Variants in UBASH3B observed in about 807,000 individuals in gnomAD.
UBASH3B encodes the protein ubiquitin associated and SH3 domain containing B.
Under a neutral mutation model 83.4 loss-of-function variants are expected in UBASH3B, and 37 were observed. The ratio of observed to expected loss-of-function variants is 0.44; its 90% CI spans 0.34 to 0.58. The LOEUF is 0.58. Ranked by LOEUF, UBASH3B falls within the 20% of genes least tolerant of loss-of-function variation. The probability of loss-of-function intolerance (pLI) is 0.01; values close to 1 mark genes in which losing one functional copy is unlikely to be tolerated. For synonymous variants in UBASH3B, 304 were observed against 318.3 expected, an observed-to-expected ratio of 0.96 and a Z score of 0.48; for missense variants, 657 against 827.2, an observed-to-expected ratio of 0.79 and a Z score of 2.52.
At chr11:122,792,116 G>A (rs1344898534) in intron 6 of UBASH3B, among the ~76,000 whole-genome samples, 1 of 152,108 alleles carries the variant, frequency 6.6e-6, no homozygotes, top group Non-Finnish European at 1.5e-5. Flanking sequence ...TATAATGACA[G>A]TTAAGAAGGG....
chr11:122,677,440 A>G (rs991496532), intron 1 of UBASH3B, among the ~76,000 whole-genome samples: 1 of 152,128 alleles, frequency 6.6e-6, no homozygotes, highest in Non-Finnish European at 1.5e-5. Context: ...GAATGTGTTT[A>G]TGTGCGTCTG....
In UBASH3B at chr11:122,655,762, G is replaced by A. The variant is rs576825078; in HGVS notation, c.-288G>A. Reference sequence around the variant, plus strand: ...ACTGCTAGGCGAGGAGAGGGAAGGGGGCGGAGGAGACAGGGCTACTGCAGG... The same window carrying A: ...ACTGCTAGGCGAGGAGAGGGAAGGGAGCGGAGGAGACAGGGCTACTGCAGG... On this transcript the variant is annotated 5_prime_UTR_variant, in exon 1 of 14. Coordinates refer to ENST00000284273, the MANE Select transcript of UBASH3B (RefSeq NM_032873.5). The A allele has an allele frequency of 1.9e-5, 7 of 364,722 alleles. No individual in the cohort carries two copies. In the South Asian group the frequency reaches 5.7e-4, roughly 29 times the overall value. 22.6% of individuals were successfully genotyped at this position (364,722 alleles called of 1,614,324 possible).
intron 1 of UBASH3B, among the ~76,000 whole-genome samples, chr11:122,681,589 C>T (rs1481620314): frequency 6.6e-6 from 1 of 152,180 alleles, no homozygotes; most frequent in Non-Finnish European, 1.5e-5. Flanking sequence ...TGGTCATCCA[C>T]TGTTTGAATG....
At chr11:122,712,446 A>C (rs1864207178) in intron 1 of UBASH3B, among the ~76,000 whole-genome samples, 1 of 151,922 alleles carries the variant, frequency 6.6e-6, no homozygotes, top group South Asian at 2.1e-4. Context: ...GTCACACGAG[A>C]GGGGCTTTCT....
rs1320550729 is a variant in UBASH3B at position 122,801,328 on chromosome 11, T to C, written c.1591T>C (p.Tyr531His). 2 of 1,613,842 alleles carry C rather than the reference T, an allele frequency of 1.2e-6. No homozygotes were observed. The highest frequency in any genetic ancestry group is 2.7e-5 in the African/African-American group (2 of 74,920). ...AGCCAACCTGAGTGTTGATACAACC[T>C]ACAGGTAAGCCTCGGAAACTGCTGC... is the stretch of plus-strand genomic sequence containing the variant. Reference protein sequence around the residue: ...AAANLSVDTTYRPHIPISKLV... With the variant: ...AAANLSVDTTHRPHIPISKLV... Residue 531 changes from tyrosine (Y) to histidine (H), a missense_variant, in exon 11 of 14, where the codon TAC (tyrosine) becomes CAC (histidine). Tyr to His is a moderately conservative substitution (Grantham distance 83). Coordinates refer to ENST00000284273, the MANE Select transcript of UBASH3B (RefSeq NM_032873.5).
At chr11:122,660,270 G>A (rs1863420491) in intron 1 of UBASH3B, among the ~76,000 whole-genome samples, 1 of 152,188 alleles carries the variant, frequency 6.6e-6, no homozygotes. Flanking sequence ...ATTTCACGGT[G>A]TGTGTGTGCG....
At chr11:122,662,675 C>T (rs1318648102) in intron 1 of UBASH3B, among the ~76,000 whole-genome samples, 1 of 152,160 alleles carries the variant, frequency 6.6e-6, no homozygotes, top group Non-Finnish European at 1.5e-5. Flanking sequence ...AGGTGATCCG[C>T]CCGCCTCGGC....
Position 122,812,156 on chromosome 11 carries a change from T to C in UBASH3B, c.*2270T>C, listed in dbSNP as rs1861459861. 1.3e-5 allele frequency: 2 copies of C among 152,260 alleles called. No individual in the cohort carries two copies. Among genetic ancestry groups the C allele is most frequent in the South Asian group, 4.1e-4 (2 of 4,834 alleles). 9.4% of individuals were successfully genotyped at this position (152,260 alleles called of 1,614,324 possible). A position where few individuals can be genotyped will look rare whatever the true frequency, so the allele number is the denominator to read the frequency against. ...ACACTGCCTTAGGCAATGGTCTATA[T>C]AAGCAAAAGGAGATAGAGATCTGAA... On this transcript the variant is annotated 3_prime_UTR_variant, in exon 14 of 14. Transcript: ENST00000284273.
intron 1 of UBASH3B, among the ~76,000 whole-genome samples, chr11:122,684,320 A>C (rs1475793997): frequency 1.3e-5 from 2 of 152,158 alleles, no homozygotes; most frequent in Non-Finnish European, 2.9e-5. Context: ...AGTCAAAATC[A>C]AATAAGGAAG....
chr11:122,735,824 C>A (rs1860923327), intron 1 of UBASH3B, among the ~76,000 whole-genome samples: 1 of 152,122 alleles, frequency 6.6e-6, no homozygotes, highest in African/African-American at 2.4e-5. Context: ...ATGTAGGGGG[C>A]ATGAGAGCGA....
At chr11:122,701,488 TACTC>T (rs757714704) in intron 1 of UBASH3B, among the ~76,000 whole-genome samples, 24 of 152,168 alleles carry the variant, frequency 1.6e-4, no homozygotes, top group Admixed American at 9.8e-4. Context: ...TTTTGGGTAA[TACTC>T]ACAGTTTCCA....
chr11:122,768,470 A>ATGTGTGTGTGTGTGTG (rs568912747), intron 1 of UBASH3B, among the ~76,000 whole-genome samples: 61 of 140,134 alleles, frequency 4.4e-4, no homozygotes, highest in Admixed American at 3.2e-3. Context: ...ATATATATGT[A>ATGTGTGTGTGTGTGTG]TGTGTGTGTG....
intron 1 of UBASH3B, among the ~76,000 whole-genome samples, chr11:122,698,380 A>G (rs542587747): frequency 6.6e-6 from 1 of 152,256 alleles, no homozygotes; most frequent in Admixed American, 6.5e-5. Flanking sequence ...GGCTCTGGCA[A>G]AAGTTGTTCC....
intron 1 of UBASH3B, among the ~76,000 whole-genome samples, chr11:122,696,341 C>CTTTTTTTTTTTTTTTTT (rs10632310): frequency 1.4e-5 from 2 of 146,036 alleles, no homozygotes; most frequent in Non-Finnish European, 1.5e-5. Context: ...TTTCTTTTTT[C>CTTTTTTTTTTTTTTTTT]TTTTTGTTTT....
chr11:122,740,948 G>C (rs570740139), intron 1 of UBASH3B, among the ~76,000 whole-genome samples: 2 of 152,204 alleles, frequency 1.3e-5, no homozygotes, highest in Non-Finnish European at 2.9e-5. Flanking sequence ...AATGGGGACT[G>C]AGGTTAGTAA....
chr11:122,805,041 TC>T (rs1455665453), intron 11 of UBASH3B, among the ~76,000 whole-genome samples: 2 of 152,150 alleles, frequency 1.3e-5, no homozygotes, highest in Non-Finnish European at 2.9e-5. Context: ...CTGTGTTAGT[TC>T]GTTTTCACGC....
chr11:122,666,431 C>T (rs7118854), intron 1 of UBASH3B, among the ~76,000 whole-genome samples: 152,142 of 152,268 alleles, frequency 1, 76,008 homozygotes, highest in Middle Eastern at 1. Context: ...TTTTGTTTTT[C>T]GTTTTGAGAC....
At chr11:122,779,763 G>T in intron 4 of UBASH3B, 68 bp downstream of exon 4, 4 of 1,583,582 alleles carry the variant, frequency 2.5e-6, no homozygotes, top group Non-Finnish European at 3.5e-6. Context: ...AAAAAGGATA[G>T]GAAATAGTGG....
intron 1 of UBASH3B, among the ~76,000 whole-genome samples, chr11:122,774,936 C>G (rs1173246386): frequency 6.6e-6 from 1 of 152,174 alleles, no homozygotes; most frequent in African/African-American, 2.4e-5. Context: ...GCAGCCTTCC[C>G]CAGCCCCTCA....
Sources: gnomAD v4.1 joint callset for allele counts (sites outside exome capture counted in the v4.1 genomes callset) on GRCh38, gnomAD v4.1.1 for gene constraint, MANE v1.5 for transcripts, NCBI Gene and HGNC (gene_info 2026-07-23, HGNC 2026-07-21) for gene names.